The following MTARC1 variants were observed in gnomAD, a reference collection of about 807,000 sequenced individuals.
The protein encoded by MTARC1 is mitochondrial amidoxime reducing component 1.
Under a neutral mutation model 33.6 loss-of-function variants are expected in MTARC1, and 24 were observed. The ratio of observed to expected loss-of-function variants is 0.72; its 90% CI spans 0.52 to 1.01. The LOEUF (loss-of-function observed/expected upper bound fraction) is 1.01. Among genes scored for constraint, MTARC1 ranks in the 50% least tolerant of loss-of-function variants. The probability of loss-of-function intolerance (pLI) is 0.00; values close to 1 mark genes in which losing one functional copy is unlikely to be tolerated. For missense variants in MTARC1, 417 were observed against 445.7 expected, an observed-to-expected ratio of 0.94 and a Z score of 0.58; for synonymous variants, 187 against 189.5, an observed-to-expected ratio of 0.99 and a Z score of 0.11.
At chr1:220,798,546 C>T in intron 4 of MTARC1, 2 of 985,430 alleles carry the variant, frequency 2.0e-6, no homozygotes, top group Non-Finnish European at 2.4e-6. Flanking sequence ...TTGAACAGCC[C>T]TGAGGCTTGG....
rs755189282 is a variant in MTARC1, at chr1:220,791,641, C to G, written c.426C>G (p.Thr142=). ...KDLLLPIKTP[T]TNAVHKCRVH... Reference sequence around the variant, plus strand: ...TACTACTGCCTATCAAAACGCCCACCACAAATGCAGTGCACAAGTGCAGGT... The same window carrying G: ...TACTACTGCCTATCAAAACGCCCACGACAAATGCAGTGCACAAGTGCAGGT... The change falls in exon 2 of 7, where the codon ACC becomes ACG. Residue 142 remains threonine (T), a synonymous_variant. Coordinates refer to ENST00000366910, the MANE Select transcript of MTARC1 (RefSeq NM_022746.4). The G allele has an allele frequency of 2.5e-5, 40 of 1,614,014 alleles. No homozygotes were observed. The highest frequency in any genetic ancestry group is 3.3e-5 in the Non-Finnish European group (39 of 1,180,026).
chr1:220,805,672 T>G (rs112588099), intron 6 of MTARC1, among the ~76,000 whole-genome samples: 78 of 152,322 alleles, frequency 5.1e-4, no homozygotes, highest in Middle Eastern at 6.8e-3. Flanking sequence ...AGGAGTGAAG[T>G]GATGTGACAT....
intron 6 of MTARC1, among the ~76,000 whole-genome samples, chr1:220,807,030 A>G (rs1466492419): frequency 1.3e-5 from 2 of 152,176 alleles, no homozygotes; most frequent in South Asian, 4.1e-4. Flanking sequence ...GAATCCCAAC[A>G]TTTTGAGAGA....
At chr1:220,788,434 A>C (rs1672310794) in intron 1 of MTARC1, among the ~76,000 whole-genome samples, 1 of 152,170 alleles carries the variant, frequency 6.6e-6, no homozygotes, top group Admixed American at 6.5e-5. Context: ...TTCATGACAT[A>C]GTTGAAAGGT....
intron 3 of MTARC1, among the ~76,000 whole-genome samples, chr1:220,797,604 G>C (rs1319141316): frequency 6.6e-6 from 1 of 152,240 alleles, no homozygotes; most frequent in Non-Finnish European, 1.5e-5. Flanking sequence ...GAAAGGTTCA[G>C]TGATGTCCCC....
chr1:220,796,787 G>A lies in MTARC1; in HGVS notation c.594G>A (p.Leu198=). ...RPRRPHQIAD[L]FRPKDQIAYS... ...GACGTCCTCATCAAATAGCAGACTT[G>A]TTCCGACCCAAGGACCAGGTGAGAG... The change falls in exon 3 of 7, where the codon TTG becomes TTA. Residue 198 remains leucine (L), a synonymous_variant. Coordinates refer to ENST00000366910, the MANE Select transcript of MTARC1 (RefSeq NM_022746.4). 1 of 1,610,300 alleles carries A rather than the reference G, an allele frequency of 6.2e-7. No individual in the cohort carries two copies. Among genetic ancestry groups the A allele is most frequent in the Non-Finnish European group, 8.5e-7 (1 of 1,178,314 alleles).
intron 6 of MTARC1, among the ~76,000 whole-genome samples, chr1:220,810,662 A>G (rs1471304742): frequency 6.7e-6 from 1 of 149,976 alleles, no homozygotes; most frequent in South Asian, 2.1e-4. Context: ...TGGGGGAGTG[A>G]GTGTGTCTGT....
At chr1:220,805,932 T>A (rs557235510) in intron 6 of MTARC1, among the ~76,000 whole-genome samples, 4 of 152,350 alleles carry the variant, frequency 2.6e-5, no homozygotes, top group Admixed American at 2.6e-4. Context: ...CAAAGTTGAT[T>A]ATAAAATAGC....
rs1038472725 is a variant in MTARC1, at chr1:220,814,986, A to C, written c.*1568A>C. ...GAAATCTAGCTGAGCCCTGAAGTAA[A>C]GTTCTGAGCAAAGAGGTGCATGTGC... On this transcript the variant is annotated 3_prime_UTR_variant, in exon 7 of 7. Transcript: ENST00000366910. 5 of 152,236 alleles carry C rather than the reference A, an allele frequency of 3.3e-5. No individual in the cohort carries two copies. The highest frequency in any genetic ancestry group is 9.6e-5 in the African/African-American group (4 of 41,454). The allele number at this position is 152,236 out of a possible 1,614,324, so 9.4% of individuals were successfully genotyped here.
intron 1 of MTARC1, among the ~76,000 whole-genome samples, chr1:220,788,081 C>G (rs1672301879): frequency 6.6e-6 from 1 of 152,184 alleles, no homozygotes; most frequent in Non-Finnish European, 1.5e-5. Context: ...CTCCAATGCT[C>G]TCAAGCACTC....
At chr1:220,802,425 G>A (rs750592744) in intron 4 of MTARC1, among the ~76,000 whole-genome samples, 8 of 152,138 alleles carry the variant, frequency 5.3e-5, no homozygotes, top group East Asian at 1.9e-4. Context: ...TCCGCCTCCC[G>A]GATTCAAGCG....
chr1:220,801,692 A>G (rs1672811842), intron 4 of MTARC1, among the ~76,000 whole-genome samples: 1 of 152,242 alleles, frequency 6.6e-6, no homozygotes, highest in Non-Finnish European at 1.5e-5. Context: ...ATTTTTGGCC[A>G]GGGAGTGACT....
intron 6 of MTARC1, among the ~76,000 whole-genome samples, chr1:220,808,258 T>C (rs1303281818): frequency 6.6e-6 from 1 of 152,146 alleles, no homozygotes; most frequent in Non-Finnish European, 1.5e-5. Context: ...AGGAGGATAA[T>C]TGACCCTAAA....
chr1:220,806,467 G>A (rs566347631), intron 6 of MTARC1, among the ~76,000 whole-genome samples: 168 of 152,278 alleles, frequency 1.1e-3, no homozygotes, highest in Non-Finnish European at 2.0e-3. Flanking sequence ...ATGAACGAGC[G>A]CATGACAGAG....
At chr1:220,793,885 A>G (rs943195615) in intron 2 of MTARC1, 1 of 152,220 alleles carries the variant, frequency 6.6e-6, no homozygotes, top group African/African-American at 2.4e-5. Flanking sequence ...GCAGAGGCCA[A>G]TCAGAACTCA....
At chr1:220,802,834 T>C (rs1221356019) in intron 4 of MTARC1, among the ~76,000 whole-genome samples, 4 of 152,158 alleles carry the variant, frequency 2.6e-5, no homozygotes, top group African/African-American at 9.7e-5. Context: ...CACTGAGTGC[T>C]CCCTCCTGAA....
At chr1:220,796,524 T>G in intron 2 of MTARC1, 119 bp from the exon 3 acceptor site, 1 of 1,220,958 alleles carries the variant, frequency 8.2e-7, no homozygotes, top group African/African-American at 1.6e-5. Context: ...CATCTTCTGA[T>G]AATTAAGAAA....
chr1:220,798,092 G>A (rs1246755543), intron 4 of MTARC1, 78 bp downstream of exon 4: 3 of 1,612,738 alleles, frequency 1.9e-6, no homozygotes, highest in Middle Eastern at 1.7e-4. Context: ...CATTGGATTA[G>A]ATTATTCTGA....
Position 220,796,540 on chromosome 1 carries a change from G to C in MTARC1, c.450-103G>C. 3.1e-6 allele frequency: 4 copies of C among 1,305,904 alleles called. No individual in the cohort carries two copies. In the East Asian group the frequency reaches 8.2e-5, roughly 27 times the overall value. The allele number at this position is 1,305,904 out of a possible 1,614,324, so 80.9% of individuals were successfully genotyped here. ...ATCTTCTGATAATTAAGAAATGACA[G>C]TAATGTTACAGCTAGGAGCAGCTTT... On this transcript the variant is annotated intron_variant, in intron 2 of 6. Coordinates refer to ENST00000366910, the MANE Select transcript of MTARC1 (RefSeq NM_022746.4).
Sources: gnomAD v4.1 joint callset for allele counts (sites outside exome capture counted in the v4.1 genomes callset) on GRCh38, gnomAD v4.1.1 for gene constraint, MANE v1.5 for transcripts, NCBI Gene and HGNC (gene_info 2026-07-23, HGNC 2026-07-21) for gene names.